Variants in ATP6V0D2 observed in about 807,000 individuals in gnomAD.
ATP6V0D2 encodes the protein V-type proton ATPase subunit d 2.
Under a neutral mutation model 40.0 loss-of-function variants are expected in ATP6V0D2, and 40 were observed. The ratio of observed to expected loss-of-function variants is 1.00; its 90% CI spans 0.78 to 1.30. The LOEUF is 1.30. Among genes scored for constraint, ATP6V0D2 ranks in the 50% most tolerant of loss-of-function variants. The probability of loss-of-function intolerance (pLI) is 0.00; values close to 1 mark genes in which losing one functional copy is unlikely to be tolerated. For missense variants in ATP6V0D2, 470 were observed against 423.1 expected (o/e 1.11, Z -0.97); for synonymous variants, 179 against 156.3 (o/e 1.15, Z -1.08).
intron 7 of ATP6V0D2, among the ~76,000 whole-genome samples, chr8:86,152,143 A>G (rs1819163645): frequency 6.6e-6 from 1 of 150,678 alleles, no homozygotes; most frequent in Non-Finnish European, 1.5e-5. Context: ...TCATTGTTCA[A>G]CTCCCCCTTA....
At chr8:86,114,585 G>A (rs1253901049) in intron 2 of ATP6V0D2, among the ~76,000 whole-genome samples, 1 of 152,168 alleles carries the variant, frequency 6.6e-6, no homozygotes, top group South Asian at 2.1e-4. Flanking sequence ...CAGAAGAATC[G>A]CTTAAAGCCG....
intron 5 of ATP6V0D2, among the ~76,000 whole-genome samples, chr8:86,147,979 C>G (rs1421272512): frequency 2.0e-5 from 3 of 152,178 alleles, no homozygotes; most frequent in Non-Finnish European, 4.4e-5. Flanking sequence ...AATTGCTTTC[C>G]CAATGATTGA....
intron 1 of ATP6V0D2, among the ~76,000 whole-genome samples, chr8:86,112,495 A>C (rs1370781135): frequency 1.3e-5 from 2 of 152,190 alleles, no homozygotes; most frequent in African/African-American, 4.8e-5. Flanking sequence ...AAGGCATAGA[A>C]ATCATTTTTA....
intron 2 of ATP6V0D2, among the ~76,000 whole-genome samples, chr8:86,131,006 A>T (rs923652253): frequency 2.6e-5 from 4 of 152,008 alleles, no homozygotes; most frequent in Non-Finnish European, 5.9e-5. Flanking sequence ...TATCTTAGAG[A>T]TAAATAACAG....
At chr8:86,120,984 T>C (rs1042906613) in intron 2 of ATP6V0D2, among the ~76,000 whole-genome samples, 1 of 152,286 alleles carries the variant, frequency 6.6e-6, no homozygotes, top group East Asian at 1.9e-4. Flanking sequence ...CCATGTGTAT[T>C]TTTGAAGGCA....
At chr8:86,120,312 G>A (rs1818652445) in intron 2 of ATP6V0D2, among the ~76,000 whole-genome samples, 1 of 152,054 alleles carries the variant, frequency 6.6e-6, no homozygotes, top group Non-Finnish European at 1.5e-5. Flanking sequence ...GAGGCAGGAG[G>A]ATTGCTTGAG....
rs1273604647 is a variant in ATP6V0D2 at position 86,150,109 on chromosome 8, C to T, written c.640-3C>T. On this transcript the variant is annotated splice_region_variant and splice_polypyrimidine_tract_variant and intron_variant, in intron 5 of 7. Transcript: ENST00000285393. ...TTTTACTGGTTTTGTCTTGCAAATT[C>T]AGTTTGAGGCCGACAGACGTGCTTT... The T allele has an allele frequency of 1.9e-6, 3 of 1,608,326 alleles. No homozygotes were observed. The highest frequency in any genetic ancestry group is 1.7e-5 in the Admixed American group (1 of 59,376).
At chr8:86,148,339 A>T (rs1310621149) in intron 5 of ATP6V0D2, among the ~76,000 whole-genome samples, 2 of 152,110 alleles carry the variant, frequency 1.3e-5, no homozygotes, top group African/African-American at 2.4e-5. Context: ...CCTACTTTTC[A>T]GCTCACACAT....
At chr8:86,130,272 TAAG>T (rs1371625828) in intron 2 of ATP6V0D2, among the ~76,000 whole-genome samples, 3 of 152,078 alleles carry the variant, frequency 2.0e-5, no homozygotes. Context: ...TTCTATCCCT[TAAG>T]AACCAAGGAA....
intron 1 of ATP6V0D2, among the ~76,000 whole-genome samples, chr8:86,101,990 C>T (rs1159966193): frequency 6.6e-6 from 1 of 152,132 alleles, no homozygotes; most frequent in Non-Finnish European, 1.5e-5. Flanking sequence ...CAAATCTAAA[C>T]AAGAATTTCA....
intron 2 of ATP6V0D2, among the ~76,000 whole-genome samples, chr8:86,123,662 A>T (rs2130251461): frequency 6.6e-6 from 1 of 152,294 alleles, no homozygotes; most frequent in South Asian, 2.1e-4. Flanking sequence ...GGGAATTCTA[A>T]GTTAAGGAAA....
chr8:86,115,164 T>C (rs116027623), intron 2 of ATP6V0D2, among the ~76,000 whole-genome samples: 2,583 of 151,986 alleles, frequency 0.017, 63 homozygotes, highest in African/African-American at 0.058. Flanking sequence ...GAAAATATAA[T>C]AAGAGAAAGC....
At chr8:86,136,649 C>T (rs577113676) in intron 2 of ATP6V0D2, among the ~76,000 whole-genome samples, 8 of 152,038 alleles carry the variant, frequency 5.3e-5, no homozygotes, top group Non-Finnish European at 1.2e-4. Context: ...GGGATAATTG[C>T]CTGCTTCAAA....
At position 86,143,033 on chromosome 8, in the gene ATP6V0D2, C is replaced by T; in HGVS notation, c.639+79C>T. On this transcript the variant is annotated intron_variant, in intron 5 of 7. Coordinates refer to ENST00000285393, the MANE Select transcript of ATP6V0D2 (RefSeq NM_152565.1). Reference sequence around the variant, plus strand: ...TATTGTTTTAACCTTACTTATATTTCCTTATCTTTGAATTTTTTTTTAATC... The same window carrying T: ...TATTGTTTTAACCTTACTTATATTTTCTTATCTTTGAATTTTTTTTTAATC... 7 of 1,000,336 alleles carry T rather than the reference C, an allele frequency of 7.0e-6. No individual in the cohort carries two copies. The South Asian group carries it at 1.0e-4, about 15-fold the overall frequency. The allele number at this position is 1,000,336 out of a possible 1,614,324, so 62.0% of individuals were successfully genotyped here. A position where few individuals can be genotyped will look rare whatever the true frequency, so the allele number is the denominator to read the frequency against.
chr8:86,152,739 G>A, intron 7 of ATP6V0D2, 77 bp from the exon 8 acceptor site: 1 of 1,433,606 alleles, frequency 7.0e-7, no homozygotes, highest in South Asian at 1.5e-5. Context: ...ACAAGTTCAA[G>A]CCAGTCAGTA....
intron 2 of ATP6V0D2, among the ~76,000 whole-genome samples, chr8:86,128,559 A>T (rs1442257367): frequency 6.6e-6 from 1 of 152,212 alleles, no homozygotes; most frequent in Non-Finnish European, 1.5e-5. Context: ...GAAAGCTGTT[A>T]TCAGTTTTGA....
chr8:86,113,228 C>A (rs1052859072), intron 1 of ATP6V0D2, among the ~76,000 whole-genome samples: 2 of 151,980 alleles, frequency 1.3e-5, no homozygotes, highest in Non-Finnish European at 2.9e-5. Context: ...CCTGTAATCC[C>A]AGCACTTTGG....
At chr8:86,135,635 A>T (rs1480570778) in intron 2 of ATP6V0D2, among the ~76,000 whole-genome samples, 4 of 152,190 alleles carry the variant, frequency 2.6e-5, no homozygotes, top group African/African-American at 9.6e-5. Flanking sequence ...GCATTTAAAG[A>T]TTTTTTAATA....
intron 5 of ATP6V0D2, among the ~76,000 whole-genome samples, chr8:86,145,305 G>A (rs1340280085): frequency 1.1e-5 from 1 of 88,386 alleles, no homozygotes; most frequent in African/African-American, 4.1e-5. Flanking sequence ...AAGAAAGAAA[G>A]AAAGAAAAGA....
Sources: gnomAD v4.1 joint callset for allele counts (sites outside exome capture counted in the v4.1 genomes callset) on GRCh38, gnomAD v4.1.1 for gene constraint, MANE v1.5 for transcripts, NCBI Gene and HGNC (gene_info 2026-07-23, HGNC 2026-07-21) for gene names.